The following CNTD1 variants were observed in gnomAD, a reference collection of about 807,000 sequenced individuals.
CNTD1 encodes the protein cyclin N-terminal domain containing 1.
In CNTD1, 17 loss-of-function variants were observed where a neutral mutation model predicts 36.3. That is an observed-to-expected ratio of 0.47 (90% CI 0.32 to 0.70). The LOEUF (loss-of-function observed/expected upper bound fraction) is 0.70, where lower values mean the gene tolerates loss of function less well. Among genes scored for constraint, CNTD1 ranks in the 30% least tolerant of loss-of-function variants. The pLI is 0.03. For synonymous variants in CNTD1, 128 were observed against 153.3 expected (o/e 0.83, Z 1.22); for missense variants, 338 against 386.1 (o/e 0.88, Z 1.04).
At chr17:42,798,791 C>A (rs1472668664), upstream of CNTD1, 1 of 1,462,994 alleles carries the variant, frequency 6.8e-7, no homozygotes, top group Non-Finnish European at 9.0e-7. Context: ...CTTTGCGGGG[C>A]AGAGCCGCGG....
At chr17:42,808,567 A>G (rs2054923026) in intron 6 of CNTD1, among the ~76,000 whole-genome samples, 1 of 150,864 alleles carries the variant, frequency 6.6e-6, no homozygotes, top group South Asian at 2.1e-4. Context: ...AAAAAAAAAA[A>G]AAAAAAAAAA....
intron 2 of CNTD1, 33 bp downstream of exon 2, chr17:42,803,728 A>T: frequency 6.4e-7 from 1 of 1,555,560 alleles, no homozygotes; most frequent in Non-Finnish European, 8.9e-7. Flanking sequence ...TTTGAACGGC[A>T]CCTCTCAGAG....
chr17:42,799,191 G>A lies in CNTD1; in HGVS notation c.124G>A (p.Glu42Lys), dbSNP rs137860677. Residue 42 changes from glutamate (E) to lysine (K), a missense_variant, in exon 1 of 7, where the codon GAG (glutamate) becomes AAG (lysine). Physicochemically the swap from Glu to Lys is moderately conservative, Grantham distance 56. Transcript: ENST00000588408. ...CCAGCAGAATGAGCAAGCAGTGAGGGAGGCTTCGGGGCGGCTGGGCCGCTT... is the reference window on the plus strand; with the variant it reads ...CCAGCAGAATGAGCAAGCAGTGAGGAAGGCTTCGGGGCGGCTGGGCCGCTT... Reference protein sequence around the residue: ...LAQQNEQAVREASGRLGRFRE... With the variant: ...LAQQNEQAVRKASGRLGRFRE... 3.7e-6 allele frequency: 6 copies of A among 1,614,008 alleles called. No individual in the cohort carries two copies. The African/African-American group carries it at 6.7e-5, about 18-fold the overall frequency.
intron 1 of CNTD1, 30 bp downstream of exon 1, chr17:42,799,266 C>A: frequency 1.3e-6 from 2 of 1,593,546 alleles, no homozygotes; most frequent in South Asian, 1.1e-5. Context: ...GTGCTGGGTT[C>A]TTGGGAGACT....
At chr17:42,799,804 G>A (rs1301148899) in intron 1 of CNTD1, among the ~76,000 whole-genome samples, 1 of 123,912 alleles carries the variant, frequency 8.1e-6, no homozygotes, top group Non-Finnish European at 1.6e-5. Flanking sequence ...GGTGGCTCAC[G>A]CCTGTAATCC....
Position 42,807,783 on chromosome 17 carries a change from A to G in CNTD1, c.741A>G (p.Ser247=). ...AATCACTCAGGGAAAAGTTTACTTC[A>G]GTGAAGGAAGACTTCATGCTGTTGG... ...PSQLQGEKFT[S]VKEDFMLLAV... The change falls in exon 6 of 7, where the codon TCA becomes TCG. Residue 247 remains serine, a synonymous_variant. Coordinates refer to ENST00000588408, the MANE Select transcript of CNTD1 (RefSeq NM_173478.3). 6.2e-7 allele frequency: 1 copy of G among 1,613,576 alleles called. No individual in the cohort carries two copies. Among genetic ancestry groups the G allele is most frequent in the Non-Finnish European group, 8.5e-7 (1 of 1,179,508 alleles).
rs2054729369 is a variant in CNTD1, at chr17:42,799,207, T to G, written c.140T>G (p.Leu47Arg). The G allele has an allele frequency of 3.7e-6, 6 of 1,613,770 alleles. No individual in the cohort carries two copies. In the African/African-American group the frequency reaches 6.7e-5, roughly 18 times the overall value. ...GCAGTGAGGGAGGCTTCGGGGCGGC[T>G]GGGCCGCTTCAGGGAGCCCCAGATC... is the stretch of plus-strand genomic sequence containing the variant. Reference protein sequence around the residue: ...EQAVREASGRLGRFREPQIVE... With the variant: ...EQAVREASGRRGRFREPQIVE... Residue 47 changes from leucine (L) to arginine (R), a missense_variant, in exon 1 of 7, where the codon CTG becomes CGG. Physicochemically the swap from Leu to Arg is moderately radical, Grantham distance 102. Coordinates refer to ENST00000588408, the MANE Select transcript of CNTD1 (RefSeq NM_173478.3).
At chr17:42,802,522 A>G (rs1290147646) in intron 1 of CNTD1, among the ~76,000 whole-genome samples, 2 of 152,252 alleles carry the variant, frequency 1.3e-5, no homozygotes, top group Admixed American at 6.5e-5. Context: ...TAAAATGACT[A>G]ATAAGAGACA....
At chr17:42,809,288 C>T in intron 6 of CNTD1, 77 bp from the exon 7 acceptor site, 1 of 1,325,614 alleles carries the variant, frequency 7.5e-7, no homozygotes, top group Non-Finnish European at 1.0e-6. Context: ...AGAGAACATC[C>T]CAAGTAATGT....
intron 3 of CNTD1, among the ~76,000 whole-genome samples, chr17:42,804,733 G>A (rs1458488182): frequency 2.0e-5 from 3 of 152,014 alleles, no homozygotes; most frequent in Non-Finnish European, 4.4e-5. Flanking sequence ...GCTTGAACCT[G>A]GGAGGCGGAG....
intron 4 of CNTD1, among the ~76,000 whole-genome samples, chr17:42,806,447 A>G (rs2054880342): frequency 6.6e-6 from 1 of 152,154 alleles, no homozygotes; most frequent in Non-Finnish European, 1.5e-5. Context: ...GAGGCATAAG[A>G]TAAGAGAGGG....
chr17:42,799,041 T>C lies in CNTD1; in HGVS notation c.-27T>C. 6.2e-7 allele frequency: 1 copy of C among 1,611,962 alleles called. No homozygotes were observed. Among genetic ancestry groups the C allele is most frequent in the East Asian group, 2.2e-5 (1 of 44,850 alleles). The stretch of plus-strand genomic sequence containing the variant: ...TCGGTATGTGGATCCAGTGAACCCG[T>C]CCAGGTGCCCCAAGAGGCTCGTGAA... On this transcript the variant is annotated 5_prime_UTR_variant, in exon 1 of 7. Transcript: ENST00000588408.
Position 42,804,458 on chromosome 17 carries a change from AG to A in CNTD1, c.417+68del. 2.2e-6 allele frequency: 3 copies of A among 1,367,076 alleles called. No homozygotes were observed. In the East Asian group the frequency reaches 7.4e-5, roughly 34 times the overall value. 84.7% of individuals were successfully genotyped at this position (1,367,076 alleles called of 1,614,324 possible). A position where few individuals can be genotyped will look rare whatever the true frequency, so the allele number is the denominator to read the frequency against. On this transcript the variant is annotated intron_variant, in intron 3 of 6. Coordinates refer to ENST00000588408, the MANE Select transcript of CNTD1 (RefSeq NM_173478.3). ...TAGGAAGAAACCAGCTTTTATACAA[AG>A]GGGGGCTGTGATGAGCTTCAAGTCA...
chr17:42,805,392 T>C, intron 3 of CNTD1: 1 of 204,528 alleles, frequency 4.9e-6, no homozygotes, highest in Non-Finnish European at 1.0e-5. Context: ...CCTTGGAGAG[T>C]CAAGGAAGTG....
intron 2 of CNTD1, among the ~76,000 whole-genome samples, 170 bp from the exon 3 acceptor site, chr17:42,804,055 T>A (rs2054837265): frequency 6.6e-6 from 1 of 151,916 alleles, no homozygotes; most frequent in Admixed American, 6.6e-5. Flanking sequence ...CCCAGGGTGG[T>A]CTTGAACTCC....
chr17:42,806,850 C>T (rs923454534), intron 5 of CNTD1, 32 bp downstream of exon 5: 21 of 1,609,702 alleles, frequency 1.3e-5, no homozygotes, highest in Non-Finnish European at 1.7e-5. Context: ...AGGCTCCTTC[C>T]AGGAACAGGG....
At chr17:42,805,380 A>G (rs2144123647) in intron 3 of CNTD1, 1 of 186,252 alleles carries the variant, frequency 5.4e-6, no homozygotes, top group African/African-American at 2.4e-5. Flanking sequence ...GTACCTCATC[A>G]GCCTTGGAGA....
chr17:42,810,631 T>C lies in CNTD1; in HGVS notation c.*1096T>C. 1.0e-6 allele frequency: 1 copy of C among 982,304 alleles called. No homozygotes were observed. The highest frequency in any genetic ancestry group is 1.4e-6 in the Non-Finnish European group (1 of 701,312). 60.8% of individuals were successfully genotyped at this position (982,304 alleles called of 1,614,324 possible). Reference sequence around the variant, plus strand: ...TGATATTTTAAAATAAAGTGGCTTTTGTGGATTTTTTCTTTTTTGGTATTG... The same window carrying C: ...TGATATTTTAAAATAAAGTGGCTTTCGTGGATTTTTTCTTTTTTGGTATTG... On this transcript the variant is annotated 3_prime_UTR_variant, in exon 7 of 7. Transcript: ENST00000588408.
intron 1 of CNTD1, among the ~76,000 whole-genome samples, chr17:42,802,862 ATT>A (rs2054819217): frequency 6.6e-6 from 1 of 152,324 alleles, no homozygotes; most frequent in African/African-American, 2.4e-5. Flanking sequence ...GATAAATATA[ATT>A]CTATCTGGAG....
Sources: gnomAD v4.1 joint callset for allele counts (sites outside exome capture counted in the v4.1 genomes callset) on GRCh38, gnomAD v4.1.1 for gene constraint, MANE v1.5 for transcripts, NCBI Gene and HGNC (gene_info 2026-07-23, HGNC 2026-07-21) for gene names.